Variants in UBR4 observed in about 807,000 individuals in gnomAD.
UBR4 encodes the protein ubiquitin protein ligase E3 component n-recognin 4.
In UBR4, 124 loss-of-function variants were observed where a neutral mutation model predicts 575.6. The ratio of observed to expected loss-of-function variants is 0.22; its 90% CI spans 0.19 to 0.25. The LOEUF is 0.25. Ranked by LOEUF, UBR4 falls within the 10% of genes least tolerant of loss-of-function variation. UBR4 has a pLI of 1.00. For synonymous variants in UBR4, 2,455 were observed against 2,473.7 expected (o/e 0.99, Z 0.22); for missense variants, 4,818 against 6,478.8 (o/e 0.74, Z 8.80).
chr1:19,126,305 C>T (rs1005313530), intron 64 of UBR4, 141 bp downstream of exon 64: 28 of 940,396 alleles, frequency 3.0e-5, no homozygotes, highest in Non-Finnish European at 4.3e-5. Context: ...TCAATCACGC[C>T]GAGATTAACC....
intron 49 of UBR4, chr1:19,149,661 ACT>A: frequency 1.9e-6 from 2 of 1,043,132 alleles, no homozygotes; most frequent in Non-Finnish European, 2.6e-6. Flanking sequence ...AAGCAGGAAG[ACT>A]CTTCAACAGA....
Position 19,186,626 on chromosome 1 carries a change from G to T in UBR4, c.1664C>A (p.Ser555Tyr). 1 of 1,614,098 alleles carries T rather than the reference G, an allele frequency of 6.2e-7. No homozygotes were observed. Among genetic ancestry groups the T allele is most frequent in the African/African-American group, 1.3e-5 (1 of 75,038 alleles). Residue 555 changes from serine to tyrosine, a missense_variant, in exon 14 of 106, where the codon TCC (serine) becomes TAC (tyrosine). Physicochemically the swap from Ser to Tyr is moderately radical, Grantham distance 144. Transcript: ENST00000375254. ...ACVLQRQRKGSMSSDASASTD... is the reference protein window; with the variant it reads ...ACVLQRQRKGYMSSDASASTD... The stretch of plus-strand genomic sequence containing the variant: ...GGAGGCGCTGGCATCGCTGCTCATG[G>T]AGCCCTTCCTCTGCCGCTGCAGGAC...
At chr1:19,185,035 T>C in intron 15 of UBR4, 64 bp downstream of exon 15, 2 of 1,590,388 alleles carry the variant, frequency 1.3e-6, no homozygotes, top group Middle Eastern at 1.7e-4. Flanking sequence ...ATTCAAATTA[T>C]CTGCTTCTCA....
Position 19,117,212 on chromosome 1 carries a change from A to G in UBR4, c.10823+9T>C, listed in dbSNP as rs933242357. On this transcript the variant is annotated intron_variant, in intron 73 of 105. Transcript: ENST00000375254. The surrounding 1 kb of genome is among the most constrained non-coding windows in gnomAD (Gnocchi z 4.0). Reference sequence around the variant, plus strand: ...CTGCTGCCCCTCCCGAGGCCTAAAAAGCCCGTACTTGTTTTTCAACTCCAC... The same window carrying G: ...CTGCTGCCCCTCCCGAGGCCTAAAAGGCCCGTACTTGTTTTTCAACTCCAC... 5 of 1,610,002 alleles carry G rather than the reference A, an allele frequency of 3.1e-6. No homozygotes were observed. The highest frequency in any genetic ancestry group is 1.7e-4 in the Middle Eastern group (1 of 5,718).
chr1:19,102,423 G>C (rs1176512946), intron 87 of UBR4, among the ~76,000 whole-genome samples: 1 of 151,746 alleles, frequency 6.6e-6, no homozygotes, highest in African/African-American at 2.4e-5. Flanking sequence ...TAAAAAAAAA[G>C]GTAAAGGTCC....
intron 105 of UBR4, among the ~76,000 whole-genome samples, chr1:19,075,681 G>A (rs568430430): frequency 1.3e-3 from 191 of 152,358 alleles, no homozygotes; most frequent in African/African-American, 4.3e-3. Context: ...CAGCCAATGC[G>A]GAGGCACAGA....
In UBR4 at chr1:19,127,784, C is replaced by T. The variant is rs770608968; in HGVS notation, c.9112-45G>A. The T allele has an allele frequency of 1.1e-5, 16 of 1,479,490 alleles. No homozygotes were observed. In the Admixed American group the frequency reaches 2.3e-4, roughly 22 times the overall value. 91.6% of individuals were successfully genotyped at this position (1,479,490 alleles called of 1,614,324 possible). On this transcript the variant is annotated intron_variant, in intron 62 of 105. Coordinates refer to ENST00000375254, the MANE Select transcript of UBR4 (RefSeq NM_020765.3). ...TCCAGAAACCTCTACTTACTCGATGCTTGAGGCATCCTCTGAACAAGATCC... is the reference window on the plus strand; with the variant it reads ...TCCAGAAACCTCTACTTACTCGATGTTTGAGGCATCCTCTGAACAAGATCC...
At position 19,187,095 on chromosome 1, in the gene UBR4, T is replaced by C. The variant is rs191465028; in HGVS notation, c.1632+69A>G. 2,746 of 807,820 alleles carry C rather than the reference T, an allele frequency of 3.4e-3. 59 individuals are homozygous for C. The African/African-American group carries it at 0.045, about 13-fold the overall frequency. The allele number at this position is 807,820 out of a possible 1,614,324, so 50.0% of individuals were successfully genotyped here. A position where few individuals can be genotyped will look rare whatever the true frequency, so the allele number is the denominator to read the frequency against. Reference sequence around the variant, plus strand: ...AAAGTTTTATATATATATATATATATACATATATATATCATATATATAAAA... The same window carrying C: ...AAAGTTTTATATATATATATATATACACATATATATATCATATATATAAAA... On this transcript the variant is annotated intron_variant, in intron 13 of 105. Transcript: ENST00000375254.
chr1:19,114,167 T>C, intron 75 of UBR4, 97 bp from the exon 76 acceptor site: 3 of 1,483,276 alleles, frequency 2.0e-6, no homozygotes, highest in South Asian at 1.3e-5. Flanking sequence ...ACATTTCCTA[T>C]AGGTCAGGCA....
intron 69 of UBR4, 76 bp from the exon 70 acceptor site, chr1:19,119,777 G>A: frequency 6.5e-7 from 1 of 1,531,544 alleles, no homozygotes; most frequent in East Asian, 2.3e-5. Flanking sequence ...TGAGGCTCTG[G>A]TACCTCAATT....
intron 29 of UBR4, among the ~76,000 whole-genome samples, chr1:19,166,029 T>C (rs2150697366): frequency 6.6e-6 from 1 of 152,364 alleles, no homozygotes; most frequent in South Asian, 2.1e-4. Context: ...AATCCAGATC[T>C]GCCAGTGATT....
In UBR4 at chr1:19,106,828, A is replaced by C. The variant is rs1174063803; in HGVS notation, c.12235+9T>G. On this transcript the variant is annotated intron_variant, in intron 82 of 105. Transcript: ENST00000375254. ...AGGACTTCCCGGCGTCTTGAAGAGA[A>C]AGATATACCTCTGATAGGAAGACAC... is the stretch of plus-strand genomic sequence containing the variant. 2 of 1,611,788 alleles carry C rather than the reference A, an allele frequency of 1.2e-6. No homozygotes were observed. Among genetic ancestry groups the C allele is most frequent in the Non-Finnish European group, 1.7e-6 (2 of 1,178,038 alleles).
Position 19,106,688 on chromosome 1 carries a change from G to A in UBR4, c.12274C>T (p.Leu4092Phe). The A allele has an allele frequency of 6.2e-7, 1 of 1,607,326 alleles. No homozygotes were observed. The highest frequency in any genetic ancestry group is 8.5e-7 in the Non-Finnish European group (1 of 1,176,328). ...GNGKAPSKSELRHLYLTEKYV... is the reference protein window; with the variant it reads ...GNGKAPSKSEFRHLYLTEKYV... The stretch of plus-strand genomic sequence containing the variant: ...TTCTCAGTCAAATAGAGATGGCGGA[G>A]CTCTGATTTGCTGGGGGCTTTCCCA... The change falls in exon 83 of 106, where the codon CTC becomes TTC. Residue 4092 changes from leucine (L) to phenylalanine (F), a missense_variant. This residue lies in a region of UBR4 where 178 missense variants were observed against 175.5 expected (regional missense o/e 1.01). Coordinates refer to ENST00000375254, the MANE Select transcript of UBR4 (RefSeq NM_020765.3).
intron 38 of UBR4, among the ~76,000 whole-genome samples, chr1:19,160,633 TTTG>T (rs1047460764): frequency 3.9e-5 from 6 of 152,160 alleles, no homozygotes; most frequent in African/African-American, 1.4e-4. Context: ...CTCAAATCGT[TTTG>T]TTTTCTGTGT....
At chr1:19,156,501 C>T (rs2086471404) in intron 41 of UBR4, 78 bp from the exon 42 acceptor site, 1 of 1,523,464 alleles carries the variant, frequency 6.6e-7, no homozygotes, top group South Asian at 1.2e-5. Flanking sequence ...TAATGACGTT[C>T]CCTTTTTTCC....
rs763493424 is a variant in UBR4 at position 19,084,515 on chromosome 1, G to A, written c.14997C>T (p.Tyr4999=). The A allele has an allele frequency of 1.1e-5, 18 of 1,612,230 alleles. No homozygotes were observed. Among genetic ancestry groups the A allele is most frequent in the South Asian group, 3.3e-5 (3 of 90,822 alleles). The part of the protein sequence containing the change: ...LIPYIIHTVL[Y]VLNTTRATSR... Reference sequence around the variant, plus strand: ...CACAGGGTACTGACGTGTTCAGGACGTAAAGCACAGTGTGAATGATGTACG... The same window carrying A: ...CACAGGGTACTGACGTGTTCAGGACATAAAGCACAGTGTGAATGATGTACG... The change falls in exon 102 of 106, where the codon TAC becomes TAT. Residue 4999 remains tyrosine (Y), a synonymous_variant. Coordinates refer to ENST00000375254, the MANE Select transcript of UBR4 (RefSeq NM_020765.3).
Position 19,110,386 on chromosome 1 carries a change from G to A in UBR4, c.11971C>T (p.Arg3991Cys), listed in dbSNP as rs1318301153. The A allele has an allele frequency of 1.7e-5, 27 of 1,614,116 alleles. No homozygotes were observed. The highest frequency in any genetic ancestry group is 5.0e-5 in the Admixed American group (3 of 60,024). The change falls in exon 80 of 106, where the codon CGC (arginine) becomes TGC (cysteine). Residue 3991 changes from arginine (R) to cysteine (C), a missense_variant. Arg to Cys is a radical substitution (Grantham distance 180). This residue lies in a region of UBR4 where 333 missense variants were observed against 459.2 expected (regional missense o/e 0.73). Coordinates refer to ENST00000375254, the MANE Select transcript of UBR4 (RefSeq NM_020765.3). This position sits in a 1 kb window ranked among gnomAD's most constrained non-coding sequence, Gnocchi z 4.5. ...KEDSCWELRL[R>C]CALSLFLMAV... ...TGAAAATCCCCTAACTCACCACAGC[G>A]TAACCGGAGCTCCCAGCAGCTGTCC... is the stretch of plus-strand genomic sequence containing the variant.
At position 19,164,800 on chromosome 1, in the gene UBR4, T is replaced by C. The variant is rs992486285; in HGVS notation, c.4510A>G (p.Ser1504Gly). 4 of 1,613,680 alleles carry C rather than the reference T, an allele frequency of 2.5e-6. No homozygotes were observed. Among genetic ancestry groups the C allele is most frequent in the Non-Finnish European group, 2.5e-6 (3 of 1,179,648 alleles). The change falls in exon 32 of 106, where the codon AGC (serine) becomes GGC (glycine). Residue 1504 changes from serine to glycine, a missense_variant and splice_region_variant. By Grantham distance (56) the Ser-to-Gly change is moderately conservative. This residue lies in a region of UBR4 where 1,172 missense variants were observed against 1,259.7 expected (regional missense o/e 0.93). Coordinates refer to ENST00000375254, the MANE Select transcript of UBR4 (RefSeq NM_020765.3). ...LLTTYIVREN[S>G]QVGEGVCAVL... ...ACGACAGAAATGTAGTTGTTCTACC[T>C]GTTTTCCCGAACAATGTATGTGGTC... is the stretch of plus-strand genomic sequence containing the variant.
chr1:19,084,472 G>C (rs367609977), intron 102 of UBR4, 32 bp downstream of exon 102: 1 of 1,577,036 alleles, frequency 6.3e-7, no homozygotes, highest in African/African-American at 1.3e-5. Context: ...GTGGGTCTGC[G>C]AGATGCCGCC....
Sources: allele counts gnomAD v4.1 joint callset (sites outside exome capture counted in the v4.1 genomes callset), GRCh38; gene constraint gnomAD v4.1.1; regional missense constraint gnomAD v4.1.1; non-coding constraint Gnocchi (gnomAD v3.1); transcripts MANE v1.5; gene names NCBI Gene and HGNC (gene_info 2026-07-23, HGNC 2026-07-21).